Variants in SH3BGRL2 observed in about 807,000 individuals in gnomAD.
SH3BGRL2 encodes SH3 domain-binding glutamic acid-rich-like protein 2.
A neutral mutation model predicts 14.8 loss-of-function variants in SH3BGRL2; 21 were observed. That is an observed-to-expected ratio of 1.42 (90% CI 1.01 to 2.05). The LOEUF (loss-of-function observed/expected upper bound fraction) is 2.05, where lower values mean the gene tolerates loss of function less well. SH3BGRL2 is among the 30% of genes most tolerant of loss of function. The probability of loss-of-function intolerance (pLI) is 0.00; values close to 1 mark genes in which losing one functional copy is unlikely to be tolerated. For missense variants in SH3BGRL2, 147 were observed against 130.8 expected (o/e 1.12, Z -0.61); for synonymous variants, 50 against 47.8 (o/e 1.05, Z -0.19).
At chr6:79,560,555 A>G in the SH3BGRL2 span, among the ~76,000 whole-genome samples, 3 of 152,232 alleles carry the variant, frequency 2.0e-5, no homozygotes, top group African/African-American at 7.2e-5. Context: ...TTGTCCAGAA[A>G]GACAACAACT....
the SH3BGRL2 span, among the ~76,000 whole-genome samples, chr6:79,585,766 C>CT: frequency 2.5e-4 from 37 of 147,162 alleles, no homozygotes; most frequent in Middle Eastern, 3.4e-3. Flanking sequence ...TACTTTTTTG[C>CT]TTTTTTTTTT....
In SH3BGRL2 at chr6:79,703,646, T is replaced by C. The variant is rs544165484; in HGVS notation, c.*4137T>C. On this transcript the variant is annotated 3_prime_UTR_variant, in exon 4 of 4. Transcript: ENST00000369838. ...TATCCTTAAAGAATAATAAATGGAA[T>C]TAAACTGAATGTATTCTTCTGTCAC... 7 of 152,300 alleles carry C rather than the reference T, an allele frequency of 4.6e-5. No homozygotes were observed. The highest frequency in any genetic ancestry group is 1.7e-4 in the African/African-American group (7 of 41,570). The allele number at this position is 152,300 out of a possible 1,614,324, so 9.4% of individuals were successfully genotyped here. A position where few individuals can be genotyped will look rare whatever the true frequency, so the allele number is the denominator to read the frequency against.
chr6:79,673,508 T>TAG lies in SH3BGRL2; in HGVS notation c.46-106_46-105insAG, dbSNP rs1303886067. The stretch of plus-strand genomic sequence containing the variant: ...GGACAGTGCATGACACCTACATAAA[T>TAG]CACCTCTTTTTTTGTATCAATGACA... On this transcript the variant is annotated intron_variant, in intron 1 of 3. Transcript: ENST00000369838. 6 of 1,144,550 alleles carry TAG rather than the reference T, an allele frequency of 5.2e-6. No homozygotes were observed. In the African/African-American group the frequency reaches 7.8e-5, roughly 15 times the overall value. 70.9% of individuals were successfully genotyped at this position (1,144,550 alleles called of 1,614,324 possible).
In SH3BGRL2 at chr6:79,699,737, T is replaced by G. The variant is rs543987347; in HGVS notation, c.*228T>G. Reference sequence around the variant, plus strand: ...TTTTTCTTATTCTATTTGCCTGCAGTTGCCTCACTCACCTGGAAATACCGT... The same window carrying G: ...TTTTTCTTATTCTATTTGCCTGCAGGTGCCTCACTCACCTGGAAATACCGT... On this transcript the variant is annotated 3_prime_UTR_variant, in exon 4 of 4. Coordinates refer to ENST00000369838, the MANE Select transcript of SH3BGRL2 (RefSeq NM_031469.4). 1.3e-4 allele frequency: 64 copies of G among 488,974 alleles called. No individual in the cohort carries two copies. The highest frequency in any genetic ancestry group is 6.8e-4 in the Admixed American group (18 of 26,340). 30.3% of individuals were successfully genotyped at this position (488,974 alleles called of 1,614,324 possible). A position where few individuals can be genotyped will look rare whatever the true frequency, so the allele number is the denominator to read the frequency against.
At chr6:79,698,435 T>C (rs1028691880) in intron 3 of SH3BGRL2, among the ~76,000 whole-genome samples, 1 of 152,224 alleles carries the variant, frequency 6.6e-6, no homozygotes, top group African/African-American at 2.4e-5. Context: ...CCCTGTTTTC[T>C]CTTTTCCTTT....
At chr6:79,584,263 C>G in the SH3BGRL2 span, among the ~76,000 whole-genome samples, 2 of 152,102 alleles carry the variant, frequency 1.3e-5, no homozygotes, top group African/African-American at 2.4e-5. Context: ...AGACGCCACC[C>G]AAGCAGCTGT....
the SH3BGRL2 span, among the ~76,000 whole-genome samples, chr6:79,615,269 C>G: frequency 6.6e-5 from 10 of 152,184 alleles, no homozygotes; most frequent in African/African-American, 2.4e-4. Flanking sequence ...CTGTTTCAGC[C>G]AGTCAGTGAG....
chr6:79,578,069 G>C, the SH3BGRL2 span, among the ~76,000 whole-genome samples: 2 of 152,244 alleles, frequency 1.3e-5, no homozygotes, highest in African/African-American at 2.4e-5. Flanking sequence ...GGCTGGGAGA[G>C]GGGCATCTGC....
intron 2 of SH3BGRL2, among the ~76,000 whole-genome samples, chr6:79,682,126 T>TATTAA (rs371619875): frequency 1.3e-5 from 2 of 152,112 alleles, no homozygotes; most frequent in South Asian, 2.1e-4. Context: ...TTATGATGAA[T>TATTAA]TAATTGGTTA....
the SH3BGRL2 span, among the ~76,000 whole-genome samples, chr6:79,579,665 G>A: frequency 6.6e-6 from 1 of 152,094 alleles, no homozygotes; most frequent in African/African-American, 2.4e-5. Flanking sequence ...AACATGGAAA[G>A]GAACAACCAG....
At chr6:79,696,019 A>G (rs778598299) in intron 2 of SH3BGRL2, among the ~76,000 whole-genome samples, 2 of 152,190 alleles carry the variant, frequency 1.3e-5, no homozygotes, top group Non-Finnish European at 2.9e-5. Flanking sequence ...AAAACTTCAG[A>G]AGCAGAATAA....
chr6:79,595,115 G>A, the SH3BGRL2 span, among the ~76,000 whole-genome samples: 21 of 152,192 alleles, frequency 1.4e-4, no homozygotes, highest in Admixed American at 3.9e-4. Context: ...GAGAAACCCC[G>A]TCTCTACTAA....
chr6:79,550,877 A>G, the SH3BGRL2 span, among the ~76,000 whole-genome samples: 1 of 152,132 alleles, frequency 6.6e-6, no homozygotes, highest in Non-Finnish European at 1.5e-5. Flanking sequence ...CAGTCTCGTA[A>G]TCATGGTATC....
At chr6:79,587,950 C>T in the SH3BGRL2 span, among the ~76,000 whole-genome samples, 268 of 149,516 alleles carry the variant, frequency 1.8e-3, no homozygotes, top group Admixed American at 3.3e-3. Flanking sequence ...CTGAGGCGGG[C>T]GGATCACCTG....
intron 1 of SH3BGRL2, among the ~76,000 whole-genome samples, chr6:79,640,474 A>C (rs1582713771): frequency 6.6e-6 from 1 of 152,032 alleles, no homozygotes; most frequent in Non-Finnish European, 1.5e-5. Flanking sequence ...ATGGGGCCCC[A>C]CCTCCCTACA....
the SH3BGRL2 span, among the ~76,000 whole-genome samples, chr6:79,605,337 C>G: frequency 6.6e-6 from 1 of 152,124 alleles, no homozygotes; most frequent in African/African-American, 2.4e-5. Context: ...GAAGAACCAC[C>G]CAGGCAACCC....
At chr6:79,568,543 C>T in the SH3BGRL2 span, among the ~76,000 whole-genome samples, 8 of 151,878 alleles carry the variant, frequency 5.3e-5, no homozygotes, top group African/African-American at 1.9e-4. Context: ...ACATATTATT[C>T]AGGAATACAT....
chr6:79,641,166 GT>G (rs1197682625), intron 1 of SH3BGRL2, among the ~76,000 whole-genome samples: 14 of 149,902 alleles, frequency 9.3e-5, no homozygotes, highest in African/African-American at 3.5e-4. Context: ...GTGTGTGTGT[GT>G]GTGTGTGTGT....
chr6:79,650,716 G>A (rs1382138420), intron 1 of SH3BGRL2, among the ~76,000 whole-genome samples: 1 of 151,916 alleles, frequency 6.6e-6, no homozygotes, highest in African/African-American at 2.4e-5. Context: ...CTGCCCCCAT[G>A]ACTCAAAAAC....
Sources: allele counts gnomAD v4.1 joint callset (sites outside exome capture counted in the v4.1 genomes callset), GRCh38; gene constraint gnomAD v4.1.1; transcripts MANE v1.5; gene names NCBI Gene and HGNC (gene_info 2026-07-23, HGNC 2026-07-21).